Variants in CDHR3 observed in about 807,000 individuals in gnomAD.
CDHR3 encodes the protein cadherin-related family member 3.
A neutral mutation model predicts 86.6 loss-of-function variants in CDHR3; 79 were observed. The observed-to-expected ratio is 0.91, with a 90% CI of 0.76 to 1.10. The LOEUF is 1.10. Ranked by LOEUF, CDHR3 falls within the 50% of genes least tolerant of loss-of-function variation. The pLI, the probability that CDHR3 is intolerant of heterozygous loss-of-function variation, is 0.00. For synonymous variants in CDHR3, 421 were observed against 402.4 expected (o/e 1.05, Z -0.55); for missense variants, 1,081 against 1,077.6 (o/e 1.00, Z -0.04).
At chr7:105,967,224 C>T (rs917009664) in intron 1 of CDHR3, among the ~76,000 whole-genome samples, 11 of 152,094 alleles carry the variant, frequency 7.2e-5, no homozygotes, top group Non-Finnish European at 1.2e-4. Flanking sequence ...TTTGTCCTTG[C>T]GATAGTTTGC....
At chr7:106,016,922 T>C (rs1022076362) in intron 11 of CDHR3, among the ~76,000 whole-genome samples, 1 of 152,186 alleles carries the variant, frequency 6.6e-6, no homozygotes, top group Non-Finnish European at 1.5e-5. Flanking sequence ...AACTTAGTGC[T>C]GGGATACAGA....
Position 106,026,756 on chromosome 7 carries a change from A to G in CDHR3, c.2272+61A>G, listed in dbSNP as rs1837411358. 1.5e-5 allele frequency: 23 copies of G among 1,565,072 alleles called. No homozygotes were observed. The South Asian group carries it at 1.9e-4, about 13-fold the overall frequency. ...TTTGCTTGCTCTGTTGTGCTACGTA[A>G]AAAGGTTCCTACTCGGCAAAGAATC... On this transcript the variant is annotated intron_variant, in intron 16 of 18. Coordinates refer to ENST00000317716, the MANE Select transcript of CDHR3 (RefSeq NM_152750.5).
intron 4 of CDHR3, among the ~76,000 whole-genome samples, chr7:105,993,496 C>G (rs6957068): frequency 0.14 from 20,650 of 151,334 alleles, 1,527 homozygotes; most frequent in African/African-American, 0.18. Flanking sequence ...ATGGTGAAAC[C>G]CTGTCTCTAC....
At chr7:105,968,393 G>T (rs1428290119) in intron 1 of CDHR3, among the ~76,000 whole-genome samples, 1 of 151,072 alleles carries the variant, frequency 6.6e-6, no homozygotes, top group Non-Finnish European at 1.5e-5. Flanking sequence ...ATGGAGTCTT[G>T]CTTTGTTGCC....
intron 1 of CDHR3, among the ~76,000 whole-genome samples, chr7:105,966,930 G>A (rs953959019): frequency 2.0e-5 from 3 of 149,506 alleles, no homozygotes; most frequent in Non-Finnish European, 4.4e-5. Context: ...GCCATTGAAA[G>A]TAATGGTAAA....
intron 17 of CDHR3, among the ~76,000 whole-genome samples, chr7:106,029,324 A>G (rs2115923088): frequency 6.6e-6 from 1 of 152,224 alleles, no homozygotes; most frequent in Middle Eastern, 3.4e-3. Flanking sequence ...CAGAAAAGTG[A>G]CAGAGAAAGG....
At position 106,015,109 on chromosome 7, in the gene CDHR3, A is replaced by G; in HGVS notation, c.1225-2A>G. 6.3e-7 allele frequency: 1 copy of G among 1,597,670 alleles called. No individual in the cohort carries two copies. Among genetic ancestry groups the G allele is most frequent in the Non-Finnish European group, 8.5e-7 (1 of 1,170,552 alleles). On this transcript the variant is annotated splice_acceptor_variant, in intron 9 of 18. Transcript: ENST00000317716. LOFTEE classifies it high-confidence loss of function. ...TAATCTACTATCTCTGTTTTAATCT[A>G]GCTGATTGGTGATCTAGACTACGAA...
intron 17 of CDHR3, among the ~76,000 whole-genome samples, chr7:106,029,544 CTCTG>C (rs765547658): frequency 1.7e-3 from 154 of 91,162 alleles, no homozygotes; most frequent in Middle Eastern, 6.2e-3. Context: ...TCTCCTCCAC[CTCTG>C]TCTCTCTCTC....
chr7:106,008,505 C>T (rs1585737452), intron 8 of CDHR3, among the ~76,000 whole-genome samples: 2 of 152,122 alleles, frequency 1.3e-5, no homozygotes, highest in South Asian at 4.1e-4. Flanking sequence ...TTTACTGACC[C>T]CTCCTAGAAT....
intron 4 of CDHR3, among the ~76,000 whole-genome samples, chr7:105,993,831 C>G (rs923184105): frequency 1.3e-5 from 2 of 152,120 alleles, no homozygotes; most frequent in African/African-American, 4.8e-5. Context: ...CGGGCATGGT[C>G]TTCCTATGGG....
intron 10 of CDHR3, 122 bp downstream of exon 10, chr7:106,015,335 G>A: frequency 5.3e-6 from 4 of 760,908 alleles, no homozygotes; most frequent in Non-Finnish European, 4.2e-6. Flanking sequence ...CTCATGCGGG[G>A]ACCCCCTCTT....
intron 9 of CDHR3, among the ~76,000 whole-genome samples, chr7:106,013,927 T>C (rs1326908102): frequency 6.6e-6 from 1 of 152,214 alleles, no homozygotes; most frequent in Non-Finnish European, 1.5e-5. Context: ...ATATTTTATG[T>C]GTATTTTATA....
chr7:105,973,256 T>C (rs980372039), intron 1 of CDHR3, among the ~76,000 whole-genome samples: 1 of 152,168 alleles, frequency 6.6e-6, no homozygotes, highest in African/African-American at 2.4e-5. Flanking sequence ...GAGAGGAGTG[T>C]TTGAGGAGTA....
At chr7:105,985,058 CAAAAAA>C (rs3999857) in intron 4 of CDHR3, among the ~76,000 whole-genome samples, 1 of 141,316 alleles carries the variant, frequency 7.1e-6, no homozygotes, top group Middle Eastern at 3.3e-3. Flanking sequence ...GACCCTGTCT[CAAAAAA>C]AAAAAAAAAA....
intron 1 of CDHR3, among the ~76,000 whole-genome samples, chr7:105,969,223 C>A (rs1827502129): frequency 6.7e-6 from 1 of 149,350 alleles, no homozygotes; most frequent in Non-Finnish European, 1.5e-5. Flanking sequence ...GGTGAAACCC[C>A]GTCTCTACTA....
intron 6 of CDHR3, among the ~76,000 whole-genome samples, chr7:106,000,474 G>A (rs182209049): frequency 1.4e-4 from 22 of 152,312 alleles, no homozygotes; most frequent in Admixed American, 8.5e-4. Flanking sequence ...AAGGAATGCC[G>A]TCACTTAGAT....
intron 11 of CDHR3, among the ~76,000 whole-genome samples, chr7:106,017,576 C>G (rs1035233951): frequency 1.5e-4 from 22 of 150,134 alleles, no homozygotes; most frequent in African/African-American, 5.2e-4. Flanking sequence ...CACACACACA[C>G]ACACACACAC....
rs1833538306 is a variant in CDHR3 at position 106,003,782 on chromosome 7, A to G, written c.863-716A>G. 2.0e-5 allele frequency among the ~76,000 whole-genome samples: 3 copies of G among 152,142 alleles called. No homozygotes were observed. In the South Asian group the frequency reaches 6.2e-4, roughly 31 times the overall value. ...ACCTATTCCCAGGAGAGCCAGGCAA[A>G]GGCAATAATTGTGCACTGCCTCTGA... On this transcript the variant is annotated intron_variant, in intron 7 of 18. Coordinates refer to ENST00000317716, the MANE Select transcript of CDHR3 (RefSeq NM_152750.5).
At chr7:105,963,429 AC>A (rs1439695985) in intron 1 of CDHR3, 65 bp downstream of exon 1, 1 of 1,525,166 alleles carries the variant, frequency 6.6e-7, no homozygotes, top group Non-Finnish European at 9.1e-7. Flanking sequence ...CCATTGAATG[AC>A]AATGTCCCCC....
Sources: allele counts gnomAD v4.1 joint callset (sites outside exome capture counted in the v4.1 genomes callset), GRCh38; gene constraint gnomAD v4.1.1; transcripts MANE v1.5; gene names NCBI Gene and HGNC (gene_info 2026-07-23, HGNC 2026-07-21).